The following WRNIP1 variants were observed in gnomAD, a reference collection of about 807,000 sequenced individuals.
WRNIP1 encodes ATPase WRNIP1.
A neutral mutation model predicts 56.1 loss-of-function variants in WRNIP1; 41 were observed. That is an observed-to-expected ratio of 0.73 (90% CI 0.57 to 0.95). The LOEUF is 0.95. Among genes scored for constraint, WRNIP1 ranks in the 40% least tolerant of loss-of-function variants. The pLI, the probability that WRNIP1 is intolerant of heterozygous loss-of-function variation, is 0.00. For synonymous variants in WRNIP1, 547 were observed against 398.1 expected, an observed-to-expected ratio of 1.37 and a Z score of -4.45; for missense variants, 1,170 against 939.4, an observed-to-expected ratio of 1.25 and a Z score of -3.21.
At chr6:2,773,083 C>G in intron 3 of WRNIP1, 1 of 985,406 alleles carries the variant, frequency 1.0e-6, no homozygotes, top group Non-Finnish European at 1.2e-6. Flanking sequence ...AATCAAGCTG[C>G]CGCTTAGCCG....
At chr6:2,770,000 T>C in intron 2 of WRNIP1, 120 bp from the exon 3 acceptor site, 1 of 1,413,380 alleles carries the variant, frequency 7.1e-7, no homozygotes, top group Admixed American at 1.9e-5. Flanking sequence ...AGGCTGCTGC[T>C]ATTCCTGAAC....
chr6:2,765,522 G>T lies in WRNIP1; in HGVS notation c.-101G>T. The T allele has an allele frequency of 7.7e-7, 1 of 1,290,456 alleles. No homozygotes were observed. 79.9% of individuals were successfully genotyped at this position (1,290,456 alleles called of 1,614,324 possible). ...CGAGCGTCCTGCTGGTTCCCCGAGC[G>T]AGGGTCTCGCGGCGCGGGGCCTAGC... On this transcript the variant is annotated 5_prime_UTR_variant, in exon 1 of 7. Transcript: ENST00000380773.
intron 3 of WRNIP1, among the ~76,000 whole-genome samples, chr6:2,778,268 G>C (rs1765477681): frequency 6.6e-6 from 1 of 152,172 alleles, no homozygotes; most frequent in Non-Finnish European, 1.5e-5. Flanking sequence ...ATTTACTGTA[G>C]ATGTTCTCAG....
In WRNIP1 at chr6:2,773,328, C is replaced by G. The variant is rs74381846; in HGVS notation, c.1256+2967C>G. 528 of 985,424 alleles carry G rather than the reference C, an allele frequency of 5.4e-4. 1 individual carries two copies. In the East Asian group the frequency reaches 0.018, roughly 34 times the overall value. The allele number at this position is 985,424 out of a possible 1,614,324, so 61.0% of individuals were successfully genotyped here. On this transcript the variant is annotated intron_variant, in intron 3 of 6. Coordinates refer to ENST00000380773, the MANE Select transcript of WRNIP1 (RefSeq NM_020135.3). Reference sequence around the variant, plus strand: ...GATGAAGGCTAGGGGAGCAGGTCCACTTCCAGTGCCACGCTTATACGCCAA... The same window carrying G: ...GATGAAGGCTAGGGGAGCAGGTCCAGTTCCAGTGCCACGCTTATACGCCAA...
At chr6:2,782,517 C>T (rs931118072) in intron 4 of WRNIP1, among the ~76,000 whole-genome samples, 1 of 152,334 alleles carries the variant, frequency 6.6e-6, no homozygotes, top group African/African-American at 2.4e-5. Context: ...TGGACATGGG[C>T]TTATGCTGAG....
chr6:2,776,532 G>A (rs1765434141), intron 3 of WRNIP1, among the ~76,000 whole-genome samples: 2 of 152,190 alleles, frequency 1.3e-5, no homozygotes, highest in Admixed American at 1.3e-4. Flanking sequence ...CAGAAGTGTG[G>A]AACCACTTGT....
intron 1 of WRNIP1, 118 bp from the exon 2 acceptor site, chr6:2,768,570 CATT>C (rs1765132046): frequency 4.3e-6 from 3 of 694,838 alleles, no homozygotes; most frequent in Non-Finnish European, 6.8e-6. Flanking sequence ...TGCTGCTCAG[CATT>C]CTTCCGAGGT....
chr6:2,770,347 C>T lies in WRNIP1; in HGVS notation c.1242C>T (p.Ser414=). Residue 414 remains serine (S), a synonymous_variant, in exon 3 of 7, where the codon AGC becomes AGT. Coordinates refer to ENST00000380773, the MANE Select transcript of WRNIP1 (RefSeq NM_020135.3). ...SRPTDPLSHS[S]NSSSEPAMFI... is the part of the protein sequence containing the mutation. ...CCACTGACCCTCTGAGCCACAGCAGCAACAGCAGCTCAGAGTAAGTTGACA... is the reference window on the plus strand; with the variant it reads ...CCACTGACCCTCTGAGCCACAGCAGTAACAGCAGCTCAGAGTAAGTTGACA... 6.2e-7 allele frequency: 1 copy of T among 1,614,190 alleles called. No individual in the cohort carries two copies. The highest frequency in any genetic ancestry group is 8.5e-7 in the Non-Finnish European group (1 of 1,180,038).
chr6:2,782,140 T>G (rs1765576195), intron 4 of WRNIP1, among the ~76,000 whole-genome samples: 1 of 152,210 alleles, frequency 6.6e-6, no homozygotes, highest in African/African-American at 2.4e-5. Context: ...CCCGCCTTCC[T>G]CCACCCTGCA....
At chr6:2,782,082 C>A (rs1384236948) in intron 4 of WRNIP1, among the ~76,000 whole-genome samples, 1 of 152,204 alleles carries the variant, frequency 6.6e-6, no homozygotes, top group South Asian at 2.1e-4. Context: ...TTTCTTCCAG[C>A]CCCCATGCCC....
At position 2,785,381 on chromosome 6, in the gene WRNIP1, A is replaced by G; in HGVS notation, c.*99A>G. The G allele has an allele frequency of 1.5e-6, 2 of 1,376,492 alleles. No individual in the cohort carries two copies. The highest frequency in any genetic ancestry group is 2.0e-6 in the Non-Finnish European group (2 of 1,015,234). 85.3% of individuals were successfully genotyped at this position (1,376,492 alleles called of 1,614,324 possible). On this transcript the variant is annotated 3_prime_UTR_variant, in exon 7 of 7. Transcript: ENST00000380773. ...AGTTGGTTGCCTGGTGGAAGTTAGA[A>G]CAGACCAACATTTTGTGCCAGAAAT...
intron 3 of WRNIP1, chr6:2,774,276 T>G (rs953429440): frequency 1.4e-5 from 14 of 985,294 alleles, no homozygotes; most frequent in Non-Finnish European, 1.7e-5. Context: ...TGGATGCACT[T>G]CCTGTGGCTG....
At chr6:2,774,308 G>A (rs996143663) in intron 3 of WRNIP1, 18 of 982,946 alleles carry the variant, frequency 1.8e-5, no homozygotes, top group Non-Finnish European at 2.2e-5. Context: ...GCCACAAACT[G>A]GGTGGCTCAG....
intron 2 of WRNIP1, 74 bp from the exon 3 acceptor site, chr6:2,770,046 T>G: frequency 6.3e-7 from 1 of 1,590,340 alleles, no homozygotes; most frequent in Non-Finnish European, 8.6e-7. Flanking sequence ...AAGGAAGGGA[T>G]AGCCAACTTA....
chr6:2,773,488 C>T (rs160665), intron 3 of WRNIP1: 555,272 of 984,920 alleles, frequency 0.56, 157,903 homozygotes, highest in East Asian at 0.76. Flanking sequence ...TCATTGTCTA[C>T]GCCATAGTTG....
chr6:2,770,089 T>C (rs1472780506), intron 2 of WRNIP1, 31 bp from the exon 3 acceptor site: 2 of 1,611,904 alleles, frequency 1.2e-6, no homozygotes, highest in South Asian at 2.2e-5. Flanking sequence ...TTGACTGGAA[T>C]CACTTTTTTC....
At chr6:2,769,540 T>A (rs1172519563) in intron 2 of WRNIP1, among the ~76,000 whole-genome samples, 2 of 152,170 alleles carry the variant, frequency 1.3e-5, no homozygotes, top group African/African-American at 4.8e-5. Context: ...ACATAGAATA[T>A]TTCACAAAAC....
chr6:2,779,536 AGT>A, intron 4 of WRNIP1, 44 bp downstream of exon 4: 1 of 1,571,856 alleles, frequency 6.4e-7, no homozygotes, highest in Non-Finnish European at 8.6e-7. Context: ...TACGGAAAGA[AGT>A]GTGTGCACAC....
chr6:2,783,209 T>C (rs1396666503), intron 4 of WRNIP1, among the ~76,000 whole-genome samples, 197 bp from the exon 5 acceptor site: 1 of 152,186 alleles, frequency 6.6e-6, no homozygotes, highest in Non-Finnish European at 1.5e-5. Context: ...CCTCTTCCCC[T>C]GAATAGGACT....
Sources: allele counts gnomAD v4.1 joint callset (sites outside exome capture counted in the v4.1 genomes callset), GRCh38; gene constraint gnomAD v4.1.1; transcripts MANE v1.5; gene names NCBI Gene and HGNC (gene_info 2026-07-23, HGNC 2026-07-21).